PRDM5: variants seen among roughly 807,000 people sequenced by gnomAD.
The protein encoded by PRDM5 is PR/SET domain 5.
In PRDM5, 56 loss-of-function variants were observed where a neutral mutation model predicts 81.2. That is an observed-to-expected ratio of 0.69 (90% CI 0.56 to 0.86). PRDM5 has a LOEUF of 0.86. PRDM5 is among the 40% of genes least tolerant of loss of function. PRDM5 has a pLI of 0.00. For synonymous variants in PRDM5, 267 were observed against 256.4 expected (o/e 1.04, Z -0.39); for missense variants, 697 against 770.1 (o/e 0.91, Z 1.12).
chr4:120,814,813 C>A (rs1208153993), intron 7 of PRDM5, among the ~76,000 whole-genome samples: 1 of 152,092 alleles, frequency 6.6e-6, no homozygotes, highest in African/African-American at 2.4e-5. Flanking sequence ...TGTACCAACC[C>A]CAGCAAAACA....
At chr4:120,747,287 G>C (rs1449233407) in intron 14 of PRDM5, among the ~76,000 whole-genome samples, 2 of 114,124 alleles carry the variant, frequency 1.8e-5, no homozygotes, top group African/African-American at 6.6e-5. Flanking sequence ...ACTGTTGTGG[G>C]GTGGGGGGAG....
rs1002013716 is a variant in PRDM5 at position 120,821,472 on chromosome 4, T to C, written c.301-127A>G. ...AGTTATTACTTTTTTTTATTTCTAG[T>C]TGATCTGGGTGCTGAAAAAGGCAGG... On this transcript the variant is annotated intron_variant, in intron 3 of 15. Transcript: ENST00000264808. The C allele has an allele frequency of 4.7e-5, 41 of 881,142 alleles. No individual in the cohort carries two copies. The African/African-American group carries it at 4.8e-4, about 10-fold the overall frequency. 54.6% of individuals were successfully genotyped at this position (881,142 alleles called of 1,614,324 possible).
chr4:120,897,227 A>G (rs1185980137), intron 2 of PRDM5: 2 of 152,142 alleles, frequency 1.3e-5, no homozygotes, highest in African/African-American at 2.4e-5. Flanking sequence ...AGGTCATTTT[A>G]TTAATGATAT....
At chr4:120,774,930 G>T in intron 13 of PRDM5, among the ~76,000 whole-genome samples, 1 of 139,714 alleles carries the variant, frequency 7.2e-6, no homozygotes, top group African/African-American at 2.7e-5. Flanking sequence ...GTATATATAT[G>T]TATATGTATA....
intron 3 of PRDM5, among the ~76,000 whole-genome samples, chr4:120,823,709 A>G (rs1755595715): frequency 6.6e-6 from 1 of 152,142 alleles, no homozygotes; most frequent in South Asian, 2.1e-4. Flanking sequence ...TTCTGGAGCC[A>G]TTTTGTCCAC....
intron 14 of PRDM5, among the ~76,000 whole-genome samples, chr4:120,750,077 G>A (rs202239241): frequency 7.1e-6 from 1 of 139,922 alleles, no homozygotes; most frequent in Non-Finnish European, 1.6e-5. Context: ...GCACCTGAAA[G>A]TGGCTAATAT....
chr4:120,860,896 C>T (rs953399483), intron 2 of PRDM5, among the ~76,000 whole-genome samples: 13 of 152,184 alleles, frequency 8.5e-5, no homozygotes, highest in African/African-American at 1.9e-4. Context: ...CCCTCAGCAA[C>T]GATTCATAAG....
intron 14 of PRDM5, among the ~76,000 whole-genome samples, chr4:120,748,178 A>G (rs1456698963): frequency 1.3e-5 from 2 of 152,208 alleles, no homozygotes; most frequent in African/African-American, 4.8e-5. Context: ...AGCAACTGGC[A>G]TTTCTCTACC....
intron 2 of PRDM5, among the ~76,000 whole-genome samples, chr4:120,862,043 T>G (rs1760666797): frequency 6.6e-6 from 1 of 152,174 alleles, no homozygotes. Flanking sequence ...AGTATTCTCC[T>G]CAAAATGTAC....
Position 120,847,315 on chromosome 4 carries a change from C to A in PRDM5, c.300+6103G>T, listed in dbSNP as rs376545955. Among the ~76,000 whole-genome samples, 7 of 152,010 alleles carry A rather than the reference C, an allele frequency of 4.6e-5. 1 individual carries two copies. Among genetic ancestry groups the A allele is most frequent in the African/African-American group, 1.4e-4 (6 of 41,480 alleles). The stretch of plus-strand genomic sequence containing the variant: ...TAAAAGGTTGCAGCTCCCCCTTTTT[C>A]TCTCTTTCTCTCTCTCTCTCACTCA... On this transcript the variant is annotated intron_variant, in intron 3 of 15. Transcript: ENST00000264808.
intron 2 of PRDM5, among the ~76,000 whole-genome samples, chr4:120,860,719 C>A (rs972187990): frequency 2.6e-5 from 4 of 151,720 alleles, no homozygotes; most frequent in Non-Finnish European, 5.9e-5. Flanking sequence ...ACGAATGTTA[C>A]AGCATTTCTC....
chr4:120,792,765 A>G (rs1750767089), intron 10 of PRDM5, among the ~76,000 whole-genome samples: 1 of 152,236 alleles, frequency 6.6e-6, no homozygotes, highest in African/African-American at 2.4e-5. Context: ...GGCAACATTA[A>G]TGAACATGGA....
chr4:120,858,591 GCACA>G (rs138957871), intron 2 of PRDM5, among the ~76,000 whole-genome samples: 36 of 150,520 alleles, frequency 2.4e-4, no homozygotes, highest in Admixed American at 1.3e-3. Flanking sequence ...GCGCACGCAC[GCACA>G]CACACACACA....
intron 13 of PRDM5, among the ~76,000 whole-genome samples, chr4:120,755,618 C>A (rs921524898): frequency 1.3e-5 from 2 of 152,154 alleles, no homozygotes; most frequent in Non-Finnish European, 2.9e-5. Context: ...TGCATTATCC[C>A]AGTCAACTCT....
At chr4:120,730,761 G>A (rs148905650) in intron 14 of PRDM5, among the ~76,000 whole-genome samples, 2 of 151,510 alleles carry the variant, frequency 1.3e-5, no homozygotes, top group Admixed American at 1.3e-4. Context: ...CAGTGGTGGT[G>A]AAGCAACAAT....
chr4:120,715,104 T>C (rs1737558721), intron 14 of PRDM5, among the ~76,000 whole-genome samples: 1 of 152,138 alleles, frequency 6.6e-6, no homozygotes, highest in African/African-American at 2.4e-5. Context: ...AATCTGAACA[T>C]ACAGTTTGTC....
rs377259555 is a variant in PRDM5, at chr4:120,886,709, A to G, written c.177+20765T>C. Reference sequence around the variant, plus strand: ...TTGTTGAATAATGAATATGAAATGAACTTTTATTCAATTATATTTATGTTC... The same window carrying G: ...TTGTTGAATAATGAATATGAAATGAGCTTTTATTCAATTATATTTATGTTC... On this transcript the variant is annotated intron_variant, in intron 2 of 15. Transcript: ENST00000264808. Among the ~76,000 whole-genome samples, 168 of 152,278 alleles carry G rather than the reference A, an allele frequency of 1.1e-3. 2 individuals carry two copies. The South Asian group carries it at 0.014, about 12-fold the overall frequency.
chr4:120,690,434 T>G (rs1014582163), downstream of PRDM5, among the ~76,000 whole-genome samples: 1 of 152,110 alleles, frequency 6.6e-6, no homozygotes, highest in African/African-American at 2.4e-5. Context: ...CATCGCGGAC[T>G]GAAAAGCACT....
At chr4:120,873,147 A>G (rs1479629171) in intron 2 of PRDM5, among the ~76,000 whole-genome samples, 3 of 152,084 alleles carry the variant, frequency 2.0e-5, no homozygotes, top group African/African-American at 7.2e-5. Flanking sequence ...GACTACAGAC[A>G]TGTGACACCA....
Sources: gnomAD v4.1 joint callset for allele counts (sites outside exome capture counted in the v4.1 genomes callset) on GRCh38, gnomAD v4.1.1 for gene constraint, MANE v1.5 for transcripts, NCBI Gene and HGNC (gene_info 2026-07-23, HGNC 2026-07-21) for gene names.